The following PAFAH2 variants were observed in gnomAD, a reference collection of about 807,000 sequenced individuals.
PAFAH2 encodes the protein platelet activating factor acetylhydrolase 2, also known as platelet-activating factor acetylhydrolase 2, cytoplasmic.
PAFAH2 carries 42 observed loss-of-function variants against 49.0 expected under a neutral mutation model. That is an observed-to-expected ratio of 0.86 (90% CI 0.67 to 1.11). The LOEUF (loss-of-function observed/expected upper bound fraction) is 1.11, where lower values mean the gene tolerates loss of function less well. Among genes scored for constraint, PAFAH2 ranks in the 50% least tolerant of loss-of-function variants. The pLI is 0.00. For synonymous variants in PAFAH2, 184 were observed against 181.3 expected (o/e 1.01, Z -0.12); for missense variants, 503 against 501.8 (o/e 1.00, Z -0.02).
At chr1:25,994,138 C>CT (rs1192852288) in intron 1 of PAFAH2, among the ~76,000 whole-genome samples, 1 of 135,092 alleles carries the variant, frequency 7.4e-6, no homozygotes, top group East Asian at 2.4e-4. Context: ...CATTTGGTGC[C>CT]TAGCTTTTTT....
Position 25,976,732 on chromosome 1 carries a change from T to A in PAFAH2, c.708A>T (p.Ser236=), listed in dbSNP as rs1409464571. ...DMSRVAVMGH[S]FGGATAILAL... is the part of the protein sequence containing the mutation. ...CCAGAATAGCTGTGGCCCCTCCAAA[T>A]GAATGTCCCATCACAGCCACACGGC... is the stretch of plus-strand genomic sequence containing the variant. Residue 236 remains serine, a synonymous_variant, in exon 8 of 11, where the codon TCA becomes TCT. Transcript: ENST00000374282. 1 of 1,614,078 alleles carries A rather than the reference T, an allele frequency of 6.2e-7. No homozygotes were observed. Among genetic ancestry groups the A allele is most frequent in the Non-Finnish European group, 8.5e-7 (1 of 1,180,042 alleles).
At chr1:25,981,111 A>T (rs2049681804) in intron 7 of PAFAH2, among the ~76,000 whole-genome samples, 1 of 152,162 alleles carries the variant, frequency 6.6e-6, no homozygotes, top group South Asian at 2.1e-4. Flanking sequence ...AATTTTTTTT[A>T]AATCATGCCA....
intron 9 of PAFAH2, among the ~76,000 whole-genome samples, chr1:25,972,995 G>T (rs936838128): frequency 2.0e-5 from 3 of 152,208 alleles, no homozygotes; most frequent in Non-Finnish European, 1.5e-5. Flanking sequence ...TGGCAGTGCA[G>T]GGAAAAGGTT....
chr1:25,967,917 G>GGC (rs890488964), intron 10 of PAFAH2, among the ~76,000 whole-genome samples: 14 of 152,288 alleles, frequency 9.2e-5, no homozygotes, highest in African/African-American at 3.4e-4. Flanking sequence ...TGTAATCCCA[G>GGC]CACTTTGGGT....
In PAFAH2 at chr1:25,984,077, C is replaced by A. The variant is rs144938380; in HGVS notation, c.421G>T (p.Ala141Ser). Residue 141 changes from alanine to serine, a missense_variant, in exon 6 of 11, where the codon GCG becomes TCG. Physicochemically the swap from Ala to Ser is moderately conservative, Grantham distance 99. Transcript: ENST00000374282. ...VAVPEHRDRS[A>S]ATTYFCKQAP... ...TGCTTGCAGAAATAGGTGGTTGCCG[C>A]TGACCGGTCCCTGAAATACACACAT... 1.7e-5 allele frequency: 27 copies of A among 1,613,932 alleles called. No individual in the cohort carries two copies. Among genetic ancestry groups the A allele is most frequent in the African/African-American group, 4.0e-5 (3 of 74,910 alleles).
rs180678755 is a variant in PAFAH2, at chr1:25,979,217, T to C, written c.667-2444A>G. On this transcript the variant is annotated intron_variant, in intron 7 of 10. Coordinates refer to ENST00000374282, the MANE Select transcript of PAFAH2 (RefSeq NM_000437.4). ...AATTTTTGGATCTTACTCAATTTGATAGATGAAAATGTACTTAGCTTTTTT... is the reference window on the plus strand; with the variant it reads ...AATTTTTGGATCTTACTCAATTTGACAGATGAAAATGTACTTAGCTTTTTT... Among the ~76,000 whole-genome samples the C allele has an allele frequency of 8.3e-4, 127 of 152,342 alleles. 1 individual carries two copies. Among genetic ancestry groups the C allele is most frequent in the African/African-American group, 2.8e-3 (115 of 41,566 alleles).
intron 1 of PAFAH2, among the ~76,000 whole-genome samples, chr1:25,994,393 G>A (rs2049913046): frequency 6.6e-6 from 1 of 152,052 alleles, no homozygotes; most frequent in Non-Finnish European, 1.5e-5. Flanking sequence ...AGCCTCCCAA[G>A]GTGCTTGGGA....
chr1:25,991,304 C>A (rs995203526), intron 1 of PAFAH2, among the ~76,000 whole-genome samples: 2 of 151,356 alleles, frequency 1.3e-5, no homozygotes, highest in Admixed American at 1.3e-4. Flanking sequence ...TTTTTTGAGA[C>A]GGAGTCTCGC....
intron 4 of PAFAH2, among the ~76,000 whole-genome samples, chr1:25,987,948 C>T (rs2049807734): frequency 6.6e-6 from 1 of 152,106 alleles, no homozygotes. Context: ...TCTAGCATTT[C>T]TGGGCTATCA....
Position 25,982,421 on chromosome 1 carries a change from AG to A in PAFAH2, c.608del (p.Thr203MetfsTer16). 6.2e-7 allele frequency: 1 copy of A among 1,614,216 alleles called. No individual in the cohort carries two copies. The highest frequency in any genetic ancestry group is 8.5e-7 in the Non-Finnish European group (1 of 1,180,040). Reference protein sequence around the residue: ...LRVLKILQEVTAGQTVFNILP... With the variant: ...LRVLKILQEVXAGQTVFNILP... ...AGATGTTGAAGACAGTCTGCCCAGC[AG>A]TGACCTCTTGCAGGATCTTCAACAC... is the stretch of plus-strand genomic sequence containing the variant. On this transcript the variant is annotated frameshift_variant, in exon 7 of 11. Coordinates refer to ENST00000374282, the MANE Select transcript of PAFAH2 (RefSeq NM_000437.4). LOFTEE classifies it high-confidence loss of function.
intron 10 of PAFAH2, among the ~76,000 whole-genome samples, chr1:25,965,877 A>G (rs200688967): frequency 8.7e-4 from 32 of 36,994 alleles, no homozygotes; most frequent in Admixed American, 1.6e-3. Context: ...ACTCAACAAG[A>G]AAAAAAAAAA....
At chr1:25,972,893 G>A (rs1167396254) in intron 9 of PAFAH2, among the ~76,000 whole-genome samples, 181 bp from the exon 10 acceptor site, 1 of 152,160 alleles carries the variant, frequency 6.6e-6, no homozygotes, top group Non-Finnish European at 1.5e-5. Context: ...TCTGCTTAGG[G>A]TCAGGTCATA....
rs2049860103 is a variant in PAFAH2 at position 25,990,757 on chromosome 1, A to G, written c.60T>C (p.Cys20=). The G allele has an allele frequency of 2.5e-6, 4 of 1,613,974 alleles. No individual in the cohort carries two copies. The South Asian group carries it at 4.4e-5, about 18-fold the overall frequency. Residue 20 remains cysteine, a synonymous_variant, in exon 2 of 11, where the codon TGT becomes TGC. Coordinates refer to ENST00000374282, the MANE Select transcript of PAFAH2 (RefSeq NM_000437.4). ...PPVTGPHLVG[C]GDVMEGQNLQ... ...GATTCTGACCCTCCATCACATCCCCACAGCCTACGAGGTGGGGTCCTGTGA... is the reference window on the plus strand; with the variant it reads ...GATTCTGACCCTCCATCACATCCCCGCAGCCTACGAGGTGGGGTCCTGTGA...
intron 7 of PAFAH2, among the ~76,000 whole-genome samples, chr1:25,981,714 C>T (rs988396716): frequency 2.6e-5 from 4 of 152,166 alleles, no homozygotes; most frequent in Admixed American, 6.6e-5. Context: ...AAGACAGTCT[C>T]TTTTCTTTTT....
intron 7 of PAFAH2, among the ~76,000 whole-genome samples, chr1:25,978,317 A>G (rs2049627673): frequency 6.6e-6 from 1 of 152,148 alleles, no homozygotes; most frequent in African/African-American, 2.4e-5. Flanking sequence ...ACCTCCAAAC[A>G]GGTAACAGTT....
intron 10 of PAFAH2, among the ~76,000 whole-genome samples, chr1:25,971,454 C>A (rs796721719): frequency 6.6e-6 from 1 of 151,708 alleles, no homozygotes; most frequent in Non-Finnish European, 1.5e-5. Context: ...TGGTTCAAGC[C>A]GAGTGAAGTT....
intron 4 of PAFAH2, 143 bp downstream of exon 4, chr1:25,988,088 C>T (rs1343296043): frequency 3.0e-5 from 18 of 593,676 alleles, no homozygotes; most frequent in Non-Finnish European, 2.4e-5. Flanking sequence ...AAGGTGAACC[C>T]AATGCTATGG....
rs747410497 is a variant in PAFAH2, at chr1:25,974,562, C to G, written c.847G>C (p.Glu283Gln). ...ACACTCTCCATTGTCTGGAATTTCT[C>G]AGTATTGATAAAGAACACAGGTCCT... ...ARGPVFFINT[E>Q]KFQTMESVNL... The change falls in exon 9 of 11, where the codon GAG becomes CAG. Residue 283 changes from glutamate to glutamine, a missense_variant. Glu to Gln is a conservative substitution (Grantham distance 29). Coordinates refer to ENST00000374282, the MANE Select transcript of PAFAH2 (RefSeq NM_000437.4). 2 of 1,614,036 alleles carry G rather than the reference C, an allele frequency of 1.2e-6. No individual in the cohort carries two copies. The highest frequency in any genetic ancestry group is 1.7e-6 in the Non-Finnish European group (2 of 1,179,942).
chr1:25,980,248 G>T (rs1015557004), intron 7 of PAFAH2, among the ~76,000 whole-genome samples: 1 of 152,154 alleles, frequency 6.6e-6, no homozygotes, highest in Non-Finnish European at 1.5e-5. Flanking sequence ...ATGTAAAGAG[G>T]TATGAATGCT....
Sources: allele counts gnomAD v4.1 joint callset (sites outside exome capture counted in the v4.1 genomes callset), GRCh38; gene constraint gnomAD v4.1.1; transcripts MANE v1.5; gene names NCBI Gene and HGNC (gene_info 2026-07-23, HGNC 2026-07-21).